The following AGBL4 variants were observed in gnomAD, a reference collection of about 807,000 sequenced individuals.
AGBL4 encodes AGBL carboxypeptidase 4.
Under a neutral mutation model 66.4 loss-of-function variants are expected in AGBL4, and 58 were observed. That is an observed-to-expected ratio of 0.87 (90% CI 0.71 to 1.09). The LOEUF (loss-of-function observed/expected upper bound fraction) is 1.09. Ranked by LOEUF, AGBL4 falls within the 50% of genes least tolerant of loss-of-function variation. The pLI is 0.00. For synonymous variants in AGBL4, 234 were observed against 222.9 expected (o/e 1.05, Z -0.44); for missense variants, 579 against 631.0 (o/e 0.92, Z 0.88).
chr1:49,059,467 C>A (rs760930761), intron 4 of AGBL4, among the ~76,000 whole-genome samples: 1 of 152,226 alleles, frequency 6.6e-6, no homozygotes, highest in Admixed American at 6.5e-5. Flanking sequence ...AGAGCCCTCA[C>A]GGAGAAACTC....
intron 3 of AGBL4, among the ~76,000 whole-genome samples, chr1:49,586,958 T>A (rs1644660136): frequency 6.6e-6 from 1 of 152,164 alleles, no homozygotes; most frequent in Non-Finnish European, 1.5e-5. Flanking sequence ...CCATTCTTCA[T>A]TGGTTTGTTC....
chr1:49,751,524 A>G (rs1651463474), intron 2 of AGBL4, among the ~76,000 whole-genome samples: 1 of 152,200 alleles, frequency 6.6e-6, no homozygotes, highest in Non-Finnish European at 1.5e-5. Context: ...TTCATCAGGA[A>G]TATTGGTCTG....
chr1:49,251,903 A>T (rs937316943), intron 3 of AGBL4, among the ~76,000 whole-genome samples: 1 of 152,088 alleles, frequency 6.6e-6, no homozygotes, highest in African/African-American at 2.4e-5. Context: ...CAAACAGGAT[A>T]AAAAAAATCC....
intron 6 of AGBL4, among the ~76,000 whole-genome samples, chr1:48,720,800 C>T (rs927103853): frequency 2.0e-5 from 3 of 151,932 alleles, no homozygotes; most frequent in South Asian, 2.1e-4. Context: ...TATTACAATA[C>T]AATCCTCTGA....
At chr1:49,264,211 C>T (rs1429553407) in intron 3 of AGBL4, among the ~76,000 whole-genome samples, 2 of 152,064 alleles carry the variant, frequency 1.3e-5, no homozygotes. Flanking sequence ...TAAAAGCAAG[C>T]AGGATCTGAA....
chr1:49,295,030 G>GT (rs1644612968), intron 3 of AGBL4, among the ~76,000 whole-genome samples: 1 of 152,124 alleles, frequency 6.6e-6, no homozygotes, highest in Non-Finnish European at 1.5e-5. Flanking sequence ...GTATGAATGC[G>GT]TAAGTGAATC....
At chr1:48,983,997 C>A (rs1282134512) in intron 5 of AGBL4, among the ~76,000 whole-genome samples, 1 of 152,046 alleles carries the variant, frequency 6.6e-6, no homozygotes, top group Non-Finnish European at 1.5e-5. Context: ...TTTATTAGGA[C>A]TCTGTTATAG....
intron 5 of AGBL4, among the ~76,000 whole-genome samples, chr1:48,998,584 T>C (rs1241124125): frequency 6.6e-6 from 1 of 152,178 alleles, no homozygotes; most frequent in African/African-American, 2.4e-5. Context: ...CAGTGGGCTT[T>C]CTTTGTGAAC....
chr1:49,462,321 A>G (rs1646532330), intron 3 of AGBL4, among the ~76,000 whole-genome samples: 1 of 151,756 alleles, frequency 6.6e-6, no homozygotes, highest in Non-Finnish European at 1.5e-5. Flanking sequence ...AAAGAATAGA[A>G]AAGAAGCACC....
chr1:49,656,579 C>T (rs1024177911), intron 3 of AGBL4, among the ~76,000 whole-genome samples: 2 of 152,132 alleles, frequency 1.3e-5, no homozygotes, highest in Non-Finnish European at 2.9e-5. Flanking sequence ...ACCAATATCC[C>T]TGATGAACGT....
At chr1:49,696,644 T>G (rs760540935) in intron 3 of AGBL4, among the ~76,000 whole-genome samples, 1 of 152,058 alleles carries the variant, frequency 6.6e-6, no homozygotes, top group African/African-American at 2.4e-5. Flanking sequence ...CCCAACATAT[T>G]TCAGTATGTA....
At chr1:49,742,869 A>T (rs557009695) in intron 2 of AGBL4, among the ~76,000 whole-genome samples, 69 of 152,318 alleles carry the variant, frequency 4.5e-4, no homozygotes, top group Admixed American at 4.4e-3. Context: ...CTGAAACCGG[A>T]TCCCTCTCTT....
intron 1 of AGBL4, among the ~76,000 whole-genome samples, chr1:49,972,738 T>C (rs1490194331): frequency 1.3e-5 from 2 of 152,210 alleles, no homozygotes; most frequent in Non-Finnish European, 2.9e-5. Flanking sequence ...TCCCTTACTG[T>C]GCCTAATTTA....
At chr1:50,010,506 A>G (rs1304725687) in intron 1 of AGBL4, among the ~76,000 whole-genome samples, 1 of 149,776 alleles carries the variant, frequency 6.7e-6, no homozygotes, top group Non-Finnish European at 1.5e-5. Flanking sequence ...AACAGAGCCA[A>G]AGCTATCCTA....
chr1:48,959,736 T>C (rs999349086), intron 5 of AGBL4, among the ~76,000 whole-genome samples: 8 of 152,184 alleles, frequency 5.3e-5, no homozygotes, highest in Admixed American at 3.3e-4. Context: ...GACCAGTGAT[T>C]ATGAACATTT....
chr1:49,845,333 G>A, intron 2 of AGBL4: 1 of 1,483,974 alleles, frequency 6.7e-7, no homozygotes, highest in Non-Finnish European at 9.4e-7. Context: ...CCCTATGAGT[G>A]CAGTGTATGT....
intron 4 of AGBL4, among the ~76,000 whole-genome samples, chr1:49,221,617 C>T (rs181154042): frequency 2.1e-3 from 317 of 152,204 alleles, no homozygotes; most frequent in African/African-American, 7.2e-3. Context: ...TATTTACTGT[C>T]TTATTGATGA....
At chr1:48,709,753 C>T (rs1211232425) in intron 6 of AGBL4, among the ~76,000 whole-genome samples, 2 of 151,974 alleles carry the variant, frequency 1.3e-5, no homozygotes, top group Non-Finnish European at 2.9e-5. Context: ...AGGCACCCGC[C>T]ACCACGCCTG....
intron 3 of AGBL4, among the ~76,000 whole-genome samples, chr1:49,340,064 C>T (rs368876799): frequency 7.9e-5 from 12 of 152,172 alleles, no homozygotes; most frequent in African/African-American, 2.4e-4. Context: ...CACTTCCAAG[C>T]TTGGACATAA....
Sources: allele counts gnomAD v4.1 joint callset (sites outside exome capture counted in the v4.1 genomes callset), GRCh38; gene constraint gnomAD v4.1.1; transcripts MANE v1.5; gene names NCBI Gene and HGNC (gene_info 2026-07-23, HGNC 2026-07-21).